Variants in TMC7 observed in about 807,000 individuals in gnomAD.
The protein encoded by TMC7 is transmembrane channel-like protein 7.
In TMC7, 54 loss-of-function variants were observed where a neutral mutation model predicts 82.9. The ratio of observed to expected loss-of-function variants is 0.65; its 90% CI spans 0.52 to 0.82. The LOEUF is 0.82. Among genes scored for constraint, TMC7 ranks in the 40% least tolerant of loss-of-function variants. The pLI, the probability that TMC7 is intolerant of heterozygous loss-of-function variation, is 0.00. For missense variants in TMC7, 820 were observed against 901.2 expected (o/e 0.91, Z 1.15); for synonymous variants, 350 against 337.9 (o/e 1.04, Z -0.39).
rs1415296952 is a variant in TMC7, at chr16:19,063,205, TA to T, written c.*1364del. 12 of 152,284 alleles carry T rather than the reference TA, an allele frequency of 7.9e-5. No homozygotes were observed. The highest frequency in any genetic ancestry group is 6.5e-4 in the Admixed American group (10 of 15,276). The allele number at this position is 152,284 out of a possible 1,614,324, so 9.4% of individuals were successfully genotyped here. ...AATGCCTGATCTCGTCTAAATCTAA[TA>T]ACTGGTGTCATGGAATTTTGAGTAA... On this transcript the variant is annotated 3_prime_UTR_variant, in exon 16 of 16. Transcript: ENST00000304381.
chr16:19,029,542 T>A (rs992185769), intron 5 of TMC7, among the ~76,000 whole-genome samples: 4 of 152,006 alleles, frequency 2.6e-5, no homozygotes, highest in African/African-American at 9.7e-5. Context: ...GCTAATTTTT[T>A]TAAAAAAAAT....
At chr16:18,994,285 A>G (rs2039001203) in intron 1 of TMC7, among the ~76,000 whole-genome samples, 1 of 144,938 alleles carries the variant, frequency 6.9e-6, no homozygotes. Flanking sequence ...TAAAAGTATT[A>G]AAGCAGCAGC....
At chr16:19,020,728 C>T (rs867112190) in intron 3 of TMC7, among the ~76,000 whole-genome samples, 15 of 151,972 alleles carry the variant, frequency 9.9e-5, no homozygotes, top group African/African-American at 3.6e-4. Flanking sequence ...ATTAGCTGGG[C>T]GTGGTGGCTC....
At chr16:19,005,324 G>T (rs567280879) in intron 1 of TMC7, among the ~76,000 whole-genome samples, 1 of 152,184 alleles carries the variant, frequency 6.6e-6, no homozygotes, top group East Asian at 1.9e-4. Flanking sequence ...TCCTGACCTC[G>T]TGATCCACTC....
intron 1 of TMC7, among the ~76,000 whole-genome samples, chr16:19,003,422 C>G (rs1431444644): frequency 6.7e-6 from 1 of 148,812 alleles, no homozygotes; most frequent in African/African-American, 2.5e-5. Context: ...GGTCAGCCCC[C>G]CTGCCCGGCC....
At chr16:19,051,348 C>T (rs1264045742) in intron 12 of TMC7, among the ~76,000 whole-genome samples, 1 of 151,216 alleles carries the variant, frequency 6.6e-6, no homozygotes, top group Non-Finnish European at 1.5e-5. Flanking sequence ...TTGTGCTGCA[C>T]CCATTAACTT....
Position 19,021,781 on chromosome 16 carries a change from C to T in TMC7, c.613C>T (p.Pro205Ser). Residue 205 changes from proline (P) to serine (S), a missense_variant, in exon 4 of 16, where the codon CCT (proline) becomes TCT (serine). By Grantham distance (74) the Pro-to-Ser change is moderately conservative. Coordinates refer to ENST00000304381, the MANE Select transcript of TMC7 (RefSeq NM_024847.4). Reference protein sequence around the residue: ...KITNSSFVLIPFKDMDKQCTV... With the variant: ...KITNSSFVLISFKDMDKQCTV... Reference sequence around the variant, plus strand: ...CACCAACAGCAGCTTCGTGCTCATTCCTTTCAAAGACATGGGTGAGTGTAA... The same window carrying T: ...CACCAACAGCAGCTTCGTGCTCATTTCTTTCAAAGACATGGGTGAGTGTAA... 1.2e-6 allele frequency: 2 copies of T among 1,614,140 alleles called. No homozygotes were observed. Among genetic ancestry groups the T allele is most frequent in the Non-Finnish European group, 8.5e-7 (1 of 1,180,012 alleles).
chr16:19,061,565 A>T (rs1962011459), intron 15 of TMC7, among the ~76,000 whole-genome samples: 1 of 152,124 alleles, frequency 6.6e-6, no homozygotes, highest in Non-Finnish European at 1.5e-5. Context: ...GATTACAGGC[A>T]TGAGCCACCG....
rs570235060 is a variant in TMC7, at chr16:19,029,131, G to A, written c.712-1093G>A. On this transcript the variant is annotated intron_variant, in intron 5 of 15. Transcript: ENST00000304381. Reference sequence around the variant, plus strand: ...CACCATTCTCCTGCTTCAGCCTCCCGAGTAGCTGGGACTACAGGCGCCCGC... The same window carrying A: ...CACCATTCTCCTGCTTCAGCCTCCCAAGTAGCTGGGACTACAGGCGCCCGC... 9.4e-4 allele frequency among the ~76,000 whole-genome samples: 142 copies of A among 151,106 alleles called. 1 individual carries two copies. Among genetic ancestry groups the A allele is most frequent in the South Asian group, 8.6e-3 (41 of 4,788 alleles).
At chr16:19,013,671 C>T (rs948862453) in intron 2 of TMC7, among the ~76,000 whole-genome samples, 1 of 151,938 alleles carries the variant, frequency 6.6e-6, no homozygotes, top group African/African-American at 2.4e-5. Context: ...GCACCTGCCA[C>T]CATGCCTGGC....
chr16:19,043,397 T>C (rs1258421884), intron 9 of TMC7, among the ~76,000 whole-genome samples: 2 of 152,126 alleles, frequency 1.3e-5, no homozygotes, highest in African/African-American at 4.8e-5. Flanking sequence ...AAAAAAATTG[T>C]AGTAACATAT....
chr16:19,049,973 T>C (rs1270133849), intron 12 of TMC7, among the ~76,000 whole-genome samples: 4 of 152,296 alleles, frequency 2.6e-5, no homozygotes, highest in South Asian at 4.1e-4. Context: ...GGAGAAAATA[T>C]ATGTGCTTGT....
intron 13 of TMC7, among the ~76,000 whole-genome samples, chr16:19,054,776 A>C: frequency 8.8e-6 from 1 of 114,278 alleles, no homozygotes; most frequent in African/African-American, 3.5e-5. Flanking sequence ...AGGGAGTCTC[A>C]CTCTGTCACC....
chr16:19,046,981 T>A, intron 11 of TMC7, 82 bp from the exon 12 acceptor site: 1 of 1,231,596 alleles, frequency 8.1e-7, no homozygotes, highest in South Asian at 1.5e-5. Flanking sequence ...GAAATATGCA[T>A]GGAAATAGTC....
chr16:19,043,634 G>C (rs982285488), intron 9 of TMC7, among the ~76,000 whole-genome samples: 21 of 152,072 alleles, frequency 1.4e-4, no homozygotes, highest in African/African-American at 5.1e-4. Context: ...GCAATGGCGT[G>C]ATCTTATCTC....
At position 19,009,152 on chromosome 16, in the gene TMC7, C is replaced by CT. The variant is rs767332830; in HGVS notation, c.68-17dup. 2 of 1,607,312 alleles carry CT rather than the reference C, an allele frequency of 1.2e-6. No homozygotes were observed. The highest frequency in any genetic ancestry group is 1.7e-6 in the Non-Finnish European group (2 of 1,175,492). On this transcript the variant is annotated intron_variant, in intron 1 of 15. Transcript: ENST00000304381. The stretch of plus-strand genomic sequence containing the variant: ...CCGAACTCACTGGAGTGAATGATGA[C>CT]TTTCTTTTCTTTTACATAGAGAACC...
chr16:19,027,198 T>C (rs147468019), intron 5 of TMC7, among the ~76,000 whole-genome samples: 3 of 148,786 alleles, frequency 2.0e-5, no homozygotes, highest in Non-Finnish European at 4.4e-5. Context: ...GCCTCCCAAG[T>C]AGCTGGATTA....
rs531181711 is a variant in TMC7 at position 19,013,762 on chromosome 16, A to G, written c.312-2688A>G. Among the ~76,000 whole-genome samples, 54 of 148,716 alleles carry G rather than the reference A, an allele frequency of 3.6e-4. 2 individuals are homozygous for G. The South Asian group carries it at 0.011, about 31-fold the overall frequency. On this transcript the variant is annotated intron_variant, in intron 2 of 15. Transcript: ENST00000304381. ...TGGAATTCCTAGCCTCAGGTGATCC[A>G]TCTGCCTTGGCCTCCCAAAGTGCTG... is the stretch of plus-strand genomic sequence containing the variant.
chr16:19,056,535 C>T lies in TMC7; in HGVS notation c.1872-7C>T. 6.2e-7 allele frequency: 1 copy of T among 1,612,484 alleles called. No homozygotes were observed. On this transcript the variant is annotated splice_polypyrimidine_tract_variant and splice_region_variant and intron_variant, in intron 13 of 15. Coordinates refer to ENST00000304381, the MANE Select transcript of TMC7 (RefSeq NM_024847.4). ...CCTTCTGAGCCCGTTGGTCTGTGTC[C>T]TGGCAGCATCCCTTCCTCGAAAGCC...
Sources: gnomAD v4.1 joint callset for allele counts (sites outside exome capture counted in the v4.1 genomes callset) on GRCh38, gnomAD v4.1.1 for gene constraint, MANE v1.5 for transcripts, NCBI Gene and HGNC (gene_info 2026-07-23, HGNC 2026-07-21) for gene names.